CD1B: variants seen among roughly 807,000 people sequenced by gnomAD.
CD1B encodes the protein T-cell surface glycoprotein CD1b.
In CD1B, 43 loss-of-function variants were observed where a neutral mutation model predicts 39.8. The observed-to-expected ratio is 1.08, with a 90% CI of 0.85 to 1.39. The LOEUF (loss-of-function observed/expected upper bound fraction) is 1.39. Among genes scored for constraint, CD1B ranks in the 40% most tolerant of loss-of-function variants. CD1B has a pLI of 0.00. For missense variants in CD1B, 495 were observed against 403.8 expected, an observed-to-expected ratio of 1.23 and a Z score of -1.94; for synonymous variants, 192 against 152.5, an observed-to-expected ratio of 1.26 and a Z score of -1.91.
At chr1:158,316,451 C>T in the CD1B span, among the ~76,000 whole-genome samples, 3 of 151,706 alleles carry the variant, frequency 2.0e-5, no homozygotes, top group African/African-American at 4.9e-5. Flanking sequence ...TGATTTGGCT[C>T]TCTGTTTGTC....
At chr1:158,320,684 C>T in the CD1B span, among the ~76,000 whole-genome samples, 2 of 152,018 alleles carry the variant, frequency 1.3e-5, no homozygotes, top group East Asian at 1.9e-4. Flanking sequence ...GGCTCCTCCC[C>T]CTCCATAGGT....
the CD1B span, among the ~76,000 whole-genome samples, chr1:158,300,389 T>C: frequency 6.6e-6 from 1 of 152,166 alleles, no homozygotes; most frequent in Non-Finnish European, 1.5e-5. Context: ...TGAGGAGTGC[T>C]TTACTTCCAA....
chr1:158,298,123 C>A, the CD1B span, among the ~76,000 whole-genome samples: 1 of 151,958 alleles, frequency 6.6e-6, no homozygotes, highest in South Asian at 2.1e-4. Flanking sequence ...AAACTTTAAA[C>A]CAACAACTGT....
chr1:158,318,196 G>C, the CD1B span, among the ~76,000 whole-genome samples: 3 of 152,174 alleles, frequency 2.0e-5, no homozygotes, highest in Admixed American at 6.5e-5. Context: ...GGGCAGAGCT[G>C]AGTTCAATTC....
the CD1B span, chr1:158,291,223 G>A: frequency 6.2e-7 from 1 of 1,614,052 alleles, no homozygotes; most frequent in Admixed American, 1.7e-5. Context: ...AGGATGGCTG[G>A]ACGAGTTGCA....
At chr1:158,313,844 C>A in the CD1B span, among the ~76,000 whole-genome samples, 1 of 152,190 alleles carries the variant, frequency 6.6e-6, no homozygotes, top group Admixed American at 6.5e-5. Context: ...AATCTTGTTA[C>A]TCATTATTGG....
In CD1B at chr1:158,329,518, C is replaced by T. The variant is rs1171462889; in HGVS notation, c.738G>A (p.Gln246=). 2 of 1,614,186 alleles carry T rather than the reference C, an allele frequency of 1.2e-6. No homozygotes were observed. The highest frequency in any genetic ancestry group is 2.7e-5 in the African/African-American group (2 of 75,052). Residue 246 remains glutamine (Q), a synonymous_variant, in exon 4 of 6, where the codon CAG becomes CAA. Transcript: ENST00000368168. ...GCAGGATGTCCCCTAGCTGAGTGCC[C>T]TGCTGCTCCTGCTCACCCCGCATCC... is the stretch of plus-strand genomic sequence containing the variant. The part of the protein sequence containing the change: ...VMWMRGEQEQ[Q]GTQLGDILPN...
the CD1B span, among the ~76,000 whole-genome samples, chr1:158,319,511 C>G: frequency 2.0e-5 from 3 of 152,190 alleles, no homozygotes; most frequent in African/African-American, 7.2e-5. Context: ...GTTGTCAGCT[C>G]CATCACTCCT....
At chr1:158,290,105 C>T in the CD1B span, 1 of 1,613,870 alleles carries the variant, frequency 6.2e-7, no homozygotes. Flanking sequence ...CTTCTTCTCC[C>T]AGGTGGTGAC....
downstream of CD1B, among the ~76,000 whole-genome samples, chr1:158,324,728 A>C (rs16840093): frequency 0.12 from 18,253 of 152,022 alleles, 1,441 homozygotes; most frequent in East Asian, 0.38. Flanking sequence ...TCCGTATCAC[A>C]TTTTTTCCAA....
the CD1B span, among the ~76,000 whole-genome samples, chr1:158,300,615 A>G: frequency 1.1e-4 from 16 of 152,008 alleles, no homozygotes; most frequent in Non-Finnish European, 1.8e-4. Context: ...GTGGGAGTAT[A>G]AGTCTCTTCG....
chr1:158,329,276 T>G, intron 4 of CD1B, 94 bp downstream of exon 4: 1 of 1,439,832 alleles, frequency 6.9e-7, no homozygotes. Flanking sequence ...CTCTCCCTCT[T>G]TCATCTCTCA....
chr1:158,289,933 A>C, the CD1B span: 16 of 719,700 alleles, frequency 2.2e-5, no homozygotes, highest in South Asian at 3.7e-5. Flanking sequence ...AGATCTTCTT[A>C]GTTGCTGTCA....
the CD1B span, among the ~76,000 whole-genome samples, chr1:158,291,671 G>A: frequency 6.6e-6 from 1 of 151,990 alleles, no homozygotes; most frequent in Non-Finnish European, 1.5e-5. Flanking sequence ...GTCCCACTCT[G>A]TGCTTGACTC....
rs145888724 is a variant in CD1B at position 158,329,631 on chromosome 1, G to T, written c.625C>A (p.Leu209Met). The stretch of plus-strand genomic sequence containing the variant: ...GGTCCAGGACTGGGGCCACTGGACA[G>T]CCAGGCCTCAGGCTTCACTAAGGCA... ...LQRQVKPEAW[L>M]SSGPSPGPGR... Residue 209 changes from leucine to methionine, a missense_variant, in exon 4 of 6, where the codon CTG becomes ATG. Physicochemically the swap from Leu to Met is conservative, Grantham distance 15. Coordinates refer to ENST00000368168, the MANE Select transcript of CD1B (RefSeq NM_001764.3). 11 of 1,613,966 alleles carry T rather than the reference G, an allele frequency of 6.8e-6. No individual in the cohort carries two copies. The African/African-American group carries it at 1.3e-4, about 20-fold the overall frequency.
chr1:158,307,625 T>G, the CD1B span, among the ~76,000 whole-genome samples: 1 of 151,960 alleles, frequency 6.6e-6, no homozygotes, highest in Non-Finnish European at 1.5e-5. Context: ...GGCAGAGACA[T>G]AACAAAAAAA....
At chr1:158,305,689 G>A in the CD1B span, among the ~76,000 whole-genome samples, 4 of 152,114 alleles carry the variant, frequency 2.6e-5, no homozygotes, top group African/African-American at 4.8e-5. Context: ...GAGAAAGGTG[G>A]GGTTACCCAC....
downstream of CD1B, among the ~76,000 whole-genome samples, chr1:158,323,954 A>G (rs1197410149): frequency 6.6e-6 from 1 of 152,146 alleles, no homozygotes; most frequent in Non-Finnish European, 1.5e-5. Flanking sequence ...GTTTCAGAAA[A>G]ATGGGTGATT....
chr1:158,290,456 C>T, the CD1B span, among the ~76,000 whole-genome samples: 1 of 152,140 alleles, frequency 6.6e-6, no homozygotes, highest in Non-Finnish European at 1.5e-5. Flanking sequence ...AGGGATGAAG[C>T]AACCTTTCAA....
Sources: allele counts gnomAD v4.1 joint callset (sites outside exome capture counted in the v4.1 genomes callset), GRCh38; gene constraint gnomAD v4.1.1; transcripts MANE v1.5; gene names NCBI Gene and HGNC (gene_info 2026-07-23, HGNC 2026-07-21).